Variants in PARD3B observed in about 807,000 individuals in gnomAD.
The protein encoded by PARD3B is par-3 family cell polarity regulator beta.
A neutral mutation model predicts 130.2 loss-of-function variants in PARD3B; 103 were observed. The observed-to-expected ratio is 0.79, with a 90% CI of 0.67 to 0.93. PARD3B has a LOEUF of 0.93. PARD3B is among the 40% of genes least tolerant of loss of function. The pLI, the probability that PARD3B is intolerant of heterozygous loss-of-function variation, is 0.00. For synonymous variants in PARD3B, 583 were observed against 553.2 expected (o/e 1.05, Z -0.76); for missense variants, 1,609 against 1,499.2 (o/e 1.07, Z -1.21).
At chr2:204,655,740 G>T (rs2035616903) in intron 1 of PARD3B, among the ~76,000 whole-genome samples, 1 of 152,078 alleles carries the variant, frequency 6.6e-6, no homozygotes, top group Non-Finnish European at 1.5e-5. Flanking sequence ...AAGGAGGTCA[G>T]CATATATATC....
In PARD3B at chr2:204,698,095, C is replaced by T. The variant is rs532789814; in HGVS notation, c.222+11813C>T. 4.6e-5 allele frequency among the ~76,000 whole-genome samples: 7 copies of T among 152,176 alleles called. No homozygotes were observed. In the South Asian group the frequency reaches 1.2e-3, roughly 27 times the overall value. ...AATGGGTTGAGTCAACTCTCAAGAC[C>T]CTCCTAACTTGGAACCTCCAATTAC... On this transcript the variant is annotated intron_variant, in intron 2 of 22. Transcript: ENST00000406610.
intron 2 of PARD3B, among the ~76,000 whole-genome samples, chr2:204,710,129 C>G (rs1263528205): frequency 6.6e-6 from 1 of 152,122 alleles, no homozygotes. Flanking sequence ...GAAAAGTGAT[C>G]AGGTCTTCTT....
At chr2:204,738,897 G>A (rs1423662448) in intron 2 of PARD3B, among the ~76,000 whole-genome samples, 2 of 152,224 alleles carry the variant, frequency 1.3e-5, no homozygotes, top group South Asian at 2.1e-4. Context: ...TAGTCTCTCT[G>A]GTTTAAGGCC....
intron 1 of PARD3B, among the ~76,000 whole-genome samples, chr2:204,586,373 T>C (rs1480706845): frequency 6.6e-6 from 1 of 152,186 alleles, no homozygotes; most frequent in East Asian, 1.9e-4. Flanking sequence ...CTATGTCTAT[T>C]TTAACATATG....
At chr2:205,087,744 C>T (rs1298103071) in intron 4 of PARD3B, among the ~76,000 whole-genome samples, 2 of 152,074 alleles carry the variant, frequency 1.3e-5, no homozygotes, top group Non-Finnish European at 2.9e-5. Context: ...ACCATTTCAT[C>T]CGTGTTAGTA....
chr2:204,559,333 A>C lies in PARD3B; in HGVS notation c.120+13214A>C, dbSNP rs1056826778. 6.6e-5 allele frequency among the ~76,000 whole-genome samples: 10 copies of C among 152,102 alleles called. No homozygotes were observed. In the East Asian group the frequency reaches 1.9e-3, roughly 29 times the overall value. Reference sequence around the variant, plus strand: ...ATATCCAGAATCTACAAAGAACTTAAACAAATTTACAAGAAAAAAACAACC... The same window carrying C: ...ATATCCAGAATCTACAAAGAACTTACACAAATTTACAAGAAAAAAACAACC... On this transcript the variant is annotated intron_variant, in intron 1 of 22. Transcript: ENST00000406610.
At chr2:204,929,098 C>CT (rs5837942) in intron 2 of PARD3B, among the ~76,000 whole-genome samples, 8,213 of 148,558 alleles carry the variant, frequency 0.055, 383 homozygotes, top group African/African-American at 0.12. Flanking sequence ...AACCAGAATA[C>CT]TTTTTTTTTT....
intron 15 of PARD3B, among the ~76,000 whole-genome samples, chr2:205,222,987 G>A (rs6733664): frequency 1.5e-4 from 23 of 152,060 alleles, no homozygotes; most frequent in Admixed American, 5.2e-4. Context: ...GTGTAGTACA[G>A]AGTAGAAAGT....
rs117600598 is a variant in PARD3B at position 205,057,054 on chromosome 2, T to G, written c.504+9364T>G. Among the ~76,000 whole-genome samples the G allele has an allele frequency of 6.9e-4, 104 of 151,780 alleles. 1 individual carries two copies. The East Asian group carries it at 0.02, about 29-fold the overall frequency. On this transcript the variant is annotated intron_variant, in intron 4 of 22. Coordinates refer to ENST00000406610, the MANE Select transcript of PARD3B (RefSeq NM_001302769.2). ...TTTCTAAATGTCTTGAGTCAAAATT[T>G]TATTTGCATAGTCTCATAAAATACA...
intron 1 of PARD3B, among the ~76,000 whole-genome samples, chr2:204,661,479 G>A (rs11693425): frequency 0.66 from 100,154 of 151,954 alleles, 36,859 homozygotes; most frequent in South Asian, 0.81. Flanking sequence ...CTCATGACCA[G>A]AGGCAGAATG....
chr2:205,399,885 AG>A (rs1409341309), intron 18 of PARD3B, among the ~76,000 whole-genome samples: 1 of 152,166 alleles, frequency 6.6e-6, no homozygotes, highest in African/African-American at 2.4e-5. Context: ...GGGCTGCATT[AG>A]AGAGTGATTG....
intron 4 of PARD3B, among the ~76,000 whole-genome samples, chr2:205,099,929 CT>C (rs1394141320): frequency 6.6e-6 from 1 of 152,034 alleles, no homozygotes; most frequent in Non-Finnish European, 1.5e-5. Flanking sequence ...AATGTGTATT[CT>C]TTTTAAAGTC....
At chr2:205,034,710 G>T (rs1282827150) in intron 3 of PARD3B, among the ~76,000 whole-genome samples, 1 of 152,042 alleles carries the variant, frequency 6.6e-6, no homozygotes, top group Admixed American at 6.6e-5. Flanking sequence ...GAATTATTTA[G>T]CATGAAAAAT....
chr2:205,573,094 A>G (rs1421017303), intron 22 of PARD3B, among the ~76,000 whole-genome samples: 3 of 152,134 alleles, frequency 2.0e-5, no homozygotes, highest in Non-Finnish European at 4.4e-5. Context: ...CTCACTCACT[A>G]TCACAAGAAC....
At chr2:204,911,985 T>G (rs1284053132) in intron 2 of PARD3B, among the ~76,000 whole-genome samples, 1 of 125,692 alleles carries the variant, frequency 8.0e-6, no homozygotes, top group African/African-American at 3.7e-5. Context: ...GTATAAAGTT[T>G]AAGAAATATT....
chr2:204,625,597 C>T (rs923250046), intron 1 of PARD3B, among the ~76,000 whole-genome samples: 1 of 152,168 alleles, frequency 6.6e-6, no homozygotes, highest in African/African-American at 2.4e-5. Flanking sequence ...CAGCTTTCTT[C>T]GTTCCAATTA....
intron 3 of PARD3B, among the ~76,000 whole-genome samples, chr2:204,981,901 G>C (rs575234961): frequency 6.6e-6 from 1 of 152,064 alleles, no homozygotes; most frequent in South Asian, 2.1e-4. Flanking sequence ...GGAATTTTGA[G>C]AAAAATTCTT....
At position 205,397,519 on chromosome 2, in the gene PARD3B, C is replaced by G. The variant is rs2046075751; in HGVS notation, c.2631-3494C>G. Reference sequence around the variant, plus strand: ...AGTCAAACATTTTAGCTACCAGAAACAAAAATAATTTATTGGGTGTGGTAA... The same window carrying G: ...AGTCAAACATTTTAGCTACCAGAAAGAAAAATAATTTATTGGGTGTGGTAA... On this transcript the variant is annotated intron_variant, in intron 18 of 22. Transcript: ENST00000406610. This position sits in a 1 kb window ranked among gnomAD's most constrained non-coding sequence, Gnocchi z 4.8. Among the ~76,000 whole-genome samples the G allele has an allele frequency of 6.6e-6, 1 of 151,926 alleles. No homozygotes were observed. The highest frequency in any genetic ancestry group is 1.5e-5 in the Non-Finnish European group (1 of 67,968).
intron 2 of PARD3B, among the ~76,000 whole-genome samples, chr2:204,960,420 A>G (rs190518076): frequency 4.8e-4 from 73 of 152,220 alleles, no homozygotes; most frequent in African/African-American, 1.7e-3. Flanking sequence ...GGCAGAAGCA[A>G]TTTCCCCCAG....
Sources: allele counts gnomAD v4.1 joint callset (sites outside exome capture counted in the v4.1 genomes callset), GRCh38; gene constraint gnomAD v4.1.1; non-coding constraint Gnocchi (gnomAD v3.1); transcripts MANE v1.5; gene names NCBI Gene and HGNC (gene_info 2026-07-23, HGNC 2026-07-21).